BRINP3: variants seen among roughly 807,000 people sequenced by gnomAD.
BRINP3 encodes BMP/retinoic acid-inducible neural-specific protein 3.
Under a neutral mutation model 71.0 loss-of-function variants are expected in BRINP3, and 19 were observed. The ratio of observed to expected loss-of-function variants is 0.27; its 90% CI spans 0.19 to 0.39. The LOEUF is 0.39. Among genes scored for constraint, BRINP3 ranks in the 10% least tolerant of loss-of-function variants. BRINP3 has a pLI of 1.00. For synonymous variants in BRINP3, 380 were observed against 337.7 expected (o/e 1.13, Z -1.37); for missense variants, 959 against 940.8 (o/e 1.02, Z -0.25).
chr1:190,183,195 A>G (rs1424563019), intron 6 of BRINP3, among the ~76,000 whole-genome samples: 1 of 152,064 alleles, frequency 6.6e-6, no homozygotes, highest in Non-Finnish European at 1.5e-5. Context: ...CTGTCAGATA[A>G]TTCTAGCAAC....
chr1:190,108,974 T>C (rs925570336), intron 7 of BRINP3, among the ~76,000 whole-genome samples: 4 of 152,136 alleles, frequency 2.6e-5, no homozygotes, highest in African/African-American at 9.7e-5. Context: ...CTTCATCTGT[T>C]CAGTTAGCAG....
Position 190,293,770 on chromosome 1 carries a change from T to C in BRINP3, c.237-12020A>G, listed in dbSNP as rs529429642. On this transcript the variant is annotated intron_variant, in intron 2 of 7. Transcript: ENST00000367462. ...AATTGATGCTTTTATCATTATACAGTGAACTTCGCTCACGCTTTTTACAGT... is the reference window on the plus strand; with the variant it reads ...AATTGATGCTTTTATCATTATACAGCGAACTTCGCTCACGCTTTTTACAGT... 3.9e-4 allele frequency among the ~76,000 whole-genome samples: 59 copies of C among 152,196 alleles called. 1 individual carries two copies. Among genetic ancestry groups the C allele is most frequent in the Admixed American group, 7.9e-4 (12 of 15,268 alleles).
At chr1:190,279,115 T>A (rs749020101) in intron 3 of BRINP3, among the ~76,000 whole-genome samples, 15 of 151,760 alleles carry the variant, frequency 9.9e-5, no homozygotes, top group Non-Finnish European at 1.5e-4. Flanking sequence ...ATAATAATAA[T>A]GAAGTATGTG....
At chr1:190,184,803 G>C in intron 6 of BRINP3, among the ~76,000 whole-genome samples, 1 of 151,894 alleles carries the variant, frequency 6.6e-6, no homozygotes, top group Non-Finnish European at 1.5e-5. Context: ...TCACTACCTG[G>C]GTGATGGGAT....
intron 4 of BRINP3, among the ~76,000 whole-genome samples, chr1:190,261,059 G>A (rs1661142012): frequency 6.6e-6 from 1 of 151,792 alleles, no homozygotes; most frequent in South Asian, 2.1e-4. Context: ...TTTACTCAGT[G>A]CATTATTTCT....
chr1:190,161,697 A>C (rs764039198), intron 6 of BRINP3, among the ~76,000 whole-genome samples: 9 of 152,160 alleles, frequency 5.9e-5, no homozygotes, highest in Non-Finnish European at 8.8e-5. Context: ...TGAACACAAA[A>C]GATAGTTGAA....
intron 2 of BRINP3, among the ~76,000 whole-genome samples, chr1:190,445,324 C>T (rs536331622): frequency 6.6e-6 from 1 of 152,054 alleles, no homozygotes; most frequent in South Asian, 2.1e-4. Flanking sequence ...CTTTCATTCA[C>T]AAGTGCTTAT....
chr1:190,265,508 T>C (rs891328480), intron 3 of BRINP3, among the ~76,000 whole-genome samples: 1 of 149,764 alleles, frequency 6.7e-6, no homozygotes, highest in Admixed American at 6.7e-5. Flanking sequence ...GAGACTATCC[T>C]GGCTAACACG....
intron 2 of BRINP3, among the ~76,000 whole-genome samples, chr1:190,352,797 T>G (rs1030695805): frequency 6.6e-6 from 1 of 151,824 alleles, no homozygotes; most frequent in Admixed American, 6.6e-5. Context: ...GAGAAAATAC[T>G]ACCATAATTT....
intron 2 of BRINP3, among the ~76,000 whole-genome samples, chr1:190,412,102 C>T (rs1228901721): frequency 6.6e-6 from 1 of 151,626 alleles, no homozygotes; most frequent in Non-Finnish European, 1.5e-5. Context: ...ATAGCACTGA[C>T]AAGCTTCCTA....
chr1:190,105,062 C>G (rs1202065357), intron 7 of BRINP3, among the ~76,000 whole-genome samples: 2 of 152,024 alleles, frequency 1.3e-5, no homozygotes, highest in Non-Finnish European at 2.9e-5. Flanking sequence ...TTTAAGCAAG[C>G]ATAAGCTGAT....
At chr1:190,141,965 T>C (rs549924382) in intron 7 of BRINP3, among the ~76,000 whole-genome samples, 32 of 152,024 alleles carry the variant, frequency 2.1e-4, no homozygotes, top group Admixed American at 6.6e-4. Flanking sequence ...ATGAAAAATA[T>C]GAATAAAAGT....
chr1:190,288,024 C>T (rs531754462), intron 2 of BRINP3, among the ~76,000 whole-genome samples: 1 of 152,098 alleles, frequency 6.6e-6, no homozygotes, highest in South Asian at 2.1e-4. Context: ...ACATTTTGAA[C>T]ACTTGTTAGC....
intron 6 of BRINP3, among the ~76,000 whole-genome samples, chr1:190,190,699 A>G (rs1653958898): frequency 6.6e-6 from 1 of 151,966 alleles, no homozygotes; most frequent in Non-Finnish European, 1.5e-5. Flanking sequence ...CATAGGGAAA[A>G]TCAAAGTGTT....
intron 2 of BRINP3, among the ~76,000 whole-genome samples, chr1:190,294,621 C>T (rs768655558): frequency 2.0e-5 from 3 of 152,070 alleles, no homozygotes; most frequent in Non-Finnish European, 2.9e-5. Flanking sequence ...GTGACTGGCA[C>T]TTTATTTAAT....
chr1:190,301,218 T>C (rs1422201904), intron 2 of BRINP3, among the ~76,000 whole-genome samples: 3 of 76,866 alleles, frequency 3.9e-5, no homozygotes, highest in East Asian at 5.1e-4. Flanking sequence ...TATATATATA[T>C]ATATATATAT....
intron 1 of BRINP3, among the ~76,000 whole-genome samples, chr1:190,461,172 C>A (rs748461797): frequency 6.6e-6 from 1 of 152,182 alleles, no homozygotes; most frequent in Non-Finnish European, 1.5e-5. Flanking sequence ...CCTTGCTTAA[C>A]TCTCTATCCA....
intron 2 of BRINP3, among the ~76,000 whole-genome samples, chr1:190,388,144 A>G (rs563521697): frequency 7.9e-5 from 12 of 151,946 alleles, no homozygotes; most frequent in African/African-American, 2.9e-4. Flanking sequence ...TGATGAAGGA[A>G]TTCCTTCTCT....
chr1:190,454,105 A>T (rs1199301384), intron 2 of BRINP3, among the ~76,000 whole-genome samples: 2 of 152,206 alleles, frequency 1.3e-5, no homozygotes, highest in African/African-American at 2.4e-5. Context: ...GATGTTAAAG[A>T]TCATATATCT....
Sources: allele counts gnomAD v4.1 joint callset (sites outside exome capture counted in the v4.1 genomes callset), GRCh38; gene constraint gnomAD v4.1.1; transcripts MANE v1.5; gene names NCBI Gene and HGNC (gene_info 2026-07-23, HGNC 2026-07-21).